Variants in RIPOR2 observed in about 807,000 individuals in gnomAD.
The protein encoded by RIPOR2 is RHO family interacting cell polarization regulator 2.
RIPOR2 carries 39 observed loss-of-function variants against 114.5 expected under a neutral mutation model. The observed-to-expected ratio is 0.34, with a 90% CI of 0.26 to 0.44. The LOEUF is 0.44. RIPOR2 is among the 20% of genes least tolerant of loss of function. The pLI, the probability that RIPOR2 is intolerant of heterozygous loss-of-function variation, is 1.00. For missense variants in RIPOR2, 1,007 were observed against 1,255.1 expected, an observed-to-expected ratio of 0.80 and a Z score of 2.99; for synonymous variants, 445 against 484.4, an observed-to-expected ratio of 0.92 and a Z score of 1.07.
intron 1 of RIPOR2, among the ~76,000 whole-genome samples, chr6:24,917,943 A>C (rs1260034274): frequency 1.3e-5 from 2 of 152,146 alleles, no homozygotes; most frequent in Non-Finnish European, 2.9e-5. Flanking sequence ...AGGTCTTCCA[A>C]GGTGATTTAT....
intron 1 of RIPOR2, among the ~76,000 whole-genome samples, chr6:24,958,580 A>G (rs923113996): frequency 1.3e-5 from 2 of 152,234 alleles, no homozygotes; most frequent in African/African-American, 4.8e-5. Context: ...ATTAATTATT[A>G]TTCCTGAGAC....
intron 1 of RIPOR2, among the ~76,000 whole-genome samples, chr6:24,892,346 C>G (rs185501217): frequency 2.8e-4 from 43 of 152,266 alleles, no homozygotes; most frequent in Non-Finnish European, 4.4e-4. Flanking sequence ...TCATAGCTCA[C>G]TAAAGCCTGG....
intron 9 of RIPOR2, 114 bp from the exon 10 acceptor site, chr6:24,850,836 T>C: frequency 8.5e-7 from 1 of 1,177,768 alleles, no homozygotes; most frequent in South Asian, 1.3e-5. Flanking sequence ...GCTTCTCCCT[T>C]ACTCTCCCTC....
At chr6:24,849,736 A>G (rs1265239424) in intron 11 of RIPOR2, 66 bp downstream of exon 11, 2 of 1,431,510 alleles carry the variant, frequency 1.4e-6, no homozygotes, top group Non-Finnish European at 1.9e-6. Flanking sequence ...TCCATGCACC[A>G]GCTTTGAGTA....
At chr6:24,983,831 A>C (rs1203888201) in intron 1 of RIPOR2, among the ~76,000 whole-genome samples, 1 of 151,108 alleles carries the variant, frequency 6.6e-6, no homozygotes, top group Non-Finnish European at 1.5e-5. Flanking sequence ...TGGAATAGAG[A>C]CCAGCCTTTT....
At position 24,848,151 on chromosome 6, in the gene RIPOR2, T is replaced by G; in HGVS notation, c.1038A>C (p.Pro346=). 6.2e-7 allele frequency: 1 copy of G among 1,613,290 alleles called. No homozygotes were observed. Among genetic ancestry groups the G allele is most frequent in the Non-Finnish European group, 8.5e-7 (1 of 1,179,616 alleles). ...IKLNLEITWY[P]FDVEDMTASS... Reference sequence around the variant, plus strand: ...ATGCGGTCATGTCCTCCACGTCAAATGGACTGCAAAACAACAGGTCCCCAG... The same window carrying G: ...ATGCGGTCATGTCCTCCACGTCAAAGGGACTGCAAAACAACAGGTCCCCAG... Residue 346 remains proline, a synonymous_variant, in exon 12 of 22, where the codon CCA becomes CCC. Coordinates refer to ENST00000643898, the MANE Select transcript of RIPOR2 (RefSeq NM_001286445.3).
At chr6:24,828,363 A>AATTTTT (rs1158811960) in intron 17 of RIPOR2, 68 bp from the exon 18 acceptor site, 374 of 1,078,634 alleles carry the variant, frequency 3.5e-4, no homozygotes, top group Non-Finnish European at 4.2e-4. Flanking sequence ...TTCATTCAAT[A>AATTTTT]ATTTTTATTT....
intron 1 of RIPOR2, among the ~76,000 whole-genome samples, chr6:24,970,444 A>G (rs1178723139): frequency 6.6e-6 from 1 of 152,224 alleles, no homozygotes; most frequent in Non-Finnish European, 1.5e-5. Flanking sequence ...GAGCAAGAAC[A>G]GGGGAGGGTG....
At chr6:25,031,736 T>G (rs1332538915) in intron 1 of RIPOR2, among the ~76,000 whole-genome samples, 1 of 92,064 alleles carries the variant, frequency 1.1e-5, no homozygotes. Flanking sequence ...TATATATATA[T>G]ATATATATAT....
At chr6:24,877,037 C>G (rs1236208911) in intron 1 of RIPOR2, 8 of 985,112 alleles carry the variant, frequency 8.1e-6, no homozygotes, top group Non-Finnish European at 9.6e-6. Flanking sequence ...ATTGAAGACT[C>G]CAAAGTGGGC....
intron 1 of RIPOR2, among the ~76,000 whole-genome samples, chr6:24,965,543 T>A (rs1311168757): frequency 6.6e-6 from 1 of 152,220 alleles, no homozygotes. Flanking sequence ...TGCACATATT[T>A]TCAAACTTGC....
intron 1 of RIPOR2, among the ~76,000 whole-genome samples, chr6:24,983,584 CTG>C (rs1005404189): frequency 5.3e-5 from 8 of 152,010 alleles, no homozygotes; most frequent in Admixed American, 4.6e-4. Flanking sequence ...AGGTGAAACT[CTG>C]TCTCTACTAA....
intron 1 of RIPOR2, among the ~76,000 whole-genome samples, chr6:24,957,630 A>T (rs1739306): frequency 0.97 from 147,605 of 152,288 alleles, 71,545 homozygotes; most frequent in East Asian, 1. Context: ...TCCCAACACT[A>T]TGGGAGGCCG....
At chr6:24,907,907 T>A (rs1357703650) in intron 1 of RIPOR2, among the ~76,000 whole-genome samples, 5 of 152,336 alleles carry the variant, frequency 3.3e-5, no homozygotes, top group African/African-American at 7.2e-5. Flanking sequence ...GAGACCATTC[T>A]ACACCTAGGT....
chr6:25,024,622 C>T (rs1561850525), intron 1 of RIPOR2: 1 of 447,418 alleles, frequency 2.2e-6, no homozygotes, highest in East Asian at 5.0e-5. Flanking sequence ...TAAAGGTTTC[C>T]AGTTCTGTGC....
chr6:24,850,565 A>C, intron 10 of RIPOR2, 32 bp downstream of exon 10: 1 of 1,613,246 alleles, frequency 6.2e-7, no homozygotes, highest in Non-Finnish European at 8.5e-7. Flanking sequence ...CCGTGGCACC[A>C]GGAAAGACAA....
chr6:25,005,706 T>TAG (rs1561839236), intron 1 of RIPOR2, among the ~76,000 whole-genome samples: 2 of 60,606 alleles, frequency 3.3e-5, no homozygotes, highest in Non-Finnish European at 6.6e-5. Flanking sequence ...TATATATATA[T>TAG]ATATATATAT....
intron 1 of RIPOR2, among the ~76,000 whole-genome samples, chr6:24,997,127 A>G (rs2113635961): frequency 6.6e-6 from 1 of 152,302 alleles, no homozygotes; most frequent in South Asian, 2.1e-4. Context: ...GAGCTTTTAA[A>G]ACTCCCAACA....
intron 1 of RIPOR2, among the ~76,000 whole-genome samples, chr6:25,036,547 A>G (rs1356163978): frequency 1.3e-5 from 2 of 151,550 alleles, no homozygotes; most frequent in South Asian, 2.1e-4. Flanking sequence ...ACACACCACC[A>G]TGCCCACTAA....
Sources: allele counts gnomAD v4.1 joint callset (sites outside exome capture counted in the v4.1 genomes callset), GRCh38; gene constraint gnomAD v4.1.1; transcripts MANE v1.5; gene names NCBI Gene and HGNC (gene_info 2026-07-23, HGNC 2026-07-21).